The following IL1R1 variants were observed in gnomAD, a reference collection of about 807,000 sequenced individuals.
IL1R1 encodes the protein interleukin 1 receptor type 1, also known as interleukin-1 receptor type 1.
A neutral mutation model predicts 50.2 loss-of-function variants in IL1R1; 22 were observed. The ratio of observed to expected loss-of-function variants is 0.44; its 90% CI spans 0.31 to 0.63. The LOEUF is 0.63. Among genes scored for constraint, IL1R1 ranks in the 20% least tolerant of loss-of-function variants. The probability of loss-of-function intolerance (pLI) is 0.07; values close to 1 mark genes in which losing one functional copy is unlikely to be tolerated. For missense variants in IL1R1, 509 were observed against 676.2 expected, an observed-to-expected ratio of 0.75 and a Z score of 2.74; for synonymous variants, 251 against 236.7, an observed-to-expected ratio of 1.06 and a Z score of -0.55.
chr2:102,138,699 G>A (rs1682478488), upstream of IL1R1, among the ~76,000 whole-genome samples: 1 of 152,134 alleles, frequency 6.6e-6, no homozygotes. Flanking sequence ...TCAGCAGATG[G>A]AAAATGTATG....
At chr2:102,105,799 T>TC (rs1039007828) in intron 1 of IL1R1, among the ~76,000 whole-genome samples, 1 of 152,158 alleles carries the variant, frequency 6.6e-6, no homozygotes, top group Non-Finnish European at 1.5e-5. Context: ...CATATTTTTC[T>TC]CCCCCCTTCA....
chr2:102,116,687 T>C lies in IL1R1; in HGVS notation c.-84+11815T>C, dbSNP rs1681093484. On this transcript the variant is annotated intron_variant, in intron 1 of 10. Coordinates refer to the IL1R1 transcript ENST00000409329. ...GTACTGTGTTAGCAATGTTAGAGGA[T>C]ACAAACAACCATAACAACAAAACAG... Among the ~76,000 whole-genome samples the C allele has an allele frequency of 4.6e-5, 7 of 152,290 alleles. No homozygotes were observed. In the South Asian group the frequency reaches 1.4e-3, roughly 32 times the overall value.
At chr2:102,125,364 T>C (rs1225145204) in intron 1 of IL1R1, among the ~76,000 whole-genome samples, 1 of 152,254 alleles carries the variant, frequency 6.6e-6, no homozygotes, top group Non-Finnish European at 1.5e-5. Flanking sequence ...AGCTTGGATT[T>C]AGACTGGCAC....
intron 1 of IL1R1, among the ~76,000 whole-genome samples, chr2:102,111,944 C>T (rs1176356426): frequency 6.6e-6 from 1 of 152,104 alleles, no homozygotes; most frequent in Non-Finnish European, 1.5e-5. Flanking sequence ...ACTTTTCCTC[C>T]CACCCCTGAA....
At chr2:102,094,640 T>C (rs575845605) in intron 1 of IL1R1, among the ~76,000 whole-genome samples, 2 of 152,352 alleles carry the variant, frequency 1.3e-5, no homozygotes, top group African/African-American at 4.8e-5. Context: ...TTAAGTTGTG[T>C]ATGAAGGCCA....
chr2:102,077,957 A>G (rs1415762626), intron 1 of IL1R1, among the ~76,000 whole-genome samples: 1 of 152,248 alleles, frequency 6.6e-6, no homozygotes, highest in Non-Finnish European at 1.5e-5. Flanking sequence ...ATTAAACAAT[A>G]TACTCTTAAA....
chr2:102,145,153 A>G (rs1411874340), intron 1 of IL1R1, among the ~76,000 whole-genome samples: 1 of 152,206 alleles, frequency 6.6e-6, no homozygotes, highest in Non-Finnish European at 1.5e-5. Context: ...GGTTCTTGCC[A>G]TTTTAAAAGA....
At chr2:102,124,328 G>A (rs960184834) in intron 1 of IL1R1, among the ~76,000 whole-genome samples, 1 of 152,072 alleles carries the variant, frequency 6.6e-6, no homozygotes, top group Admixed American at 6.5e-5. Flanking sequence ...GCTGAGGCAG[G>A]AGAATCGCTT....
chr2:102,127,700 C>A (rs1681800485), intron 1 of IL1R1, among the ~76,000 whole-genome samples: 1 of 145,832 alleles, frequency 6.9e-6, no homozygotes, highest in African/African-American at 2.5e-5. Context: ...TGTGTGTATC[C>A]ATGCAACATC....
chr2:102,172,269 T>C (rs1685754268), intron 8 of IL1R1: 1 of 985,090 alleles, frequency 1.0e-6, no homozygotes, highest in Admixed American at 6.2e-5. Flanking sequence ...AATCCACTGC[T>C]CTCGAAAGCC....
At chr2:102,136,450 C>T (rs997547865) in intron 1 of IL1R1, among the ~76,000 whole-genome samples, 5 of 148,072 alleles carry the variant, frequency 3.4e-5, no homozygotes, top group African/African-American at 7.5e-5. Context: ...GATCTTGGCT[C>T]ATTGCAGCCT....
At chr2:102,082,165 C>T (rs1679239804) in intron 1 of IL1R1, among the ~76,000 whole-genome samples, 1 of 152,104 alleles carries the variant, frequency 6.6e-6, no homozygotes, top group African/African-American at 2.4e-5. Flanking sequence ...TTATAACTAT[C>T]TTTGTCTCTG....
chr2:102,118,114 G>T (rs1344149083), intron 1 of IL1R1, among the ~76,000 whole-genome samples: 1 of 152,092 alleles, frequency 6.6e-6, no homozygotes, highest in African/African-American at 2.4e-5. Flanking sequence ...GAGGAGAATG[G>T]TCACTAGAAA....
At chr2:102,174,021 G>T (rs1685901960) in intron 9 of IL1R1, among the ~76,000 whole-genome samples, 1 of 152,068 alleles carries the variant, frequency 6.6e-6, no homozygotes, top group South Asian at 2.1e-4. Flanking sequence ...CCCTTTTCTG[G>T]ATGCTTTTAC....
chr2:102,118,396 A>G (rs1168035357), intron 1 of IL1R1, among the ~76,000 whole-genome samples: 1 of 152,122 alleles, frequency 6.6e-6, no homozygotes, highest in Non-Finnish European at 1.5e-5. Flanking sequence ...ATTCTTTATT[A>G]CATAGTAAGC....
chr2:102,156,937 G>A (rs1399098645), intron 2 of IL1R1, among the ~76,000 whole-genome samples: 1 of 152,074 alleles, frequency 6.6e-6, no homozygotes, highest in Non-Finnish European at 1.5e-5. Context: ...TTATAGCTAC[G>A]GATAAGAATA....
In IL1R1 at chr2:102,165,523, G is replaced by A. The variant is rs1224322930; in HGVS notation, c.486+219G>A. ...CTGTTGTTTTTATTTAATTTAATAA[G>A]ATGTAATTGAGAAAAGTACTAGAAA... On this transcript the variant is annotated intron_variant, in intron 5 of 11. Transcript: ENST00000410023. Among the ~76,000 whole-genome samples the A allele has an allele frequency of 2.0e-5, 3 of 152,266 alleles. No individual in the cohort carries two copies. The East Asian group carries it at 5.8e-4, about 29-fold the overall frequency.
chr2:102,099,612 T>A (rs576014725), upstream of IL1R1, among the ~76,000 whole-genome samples: 5 of 152,284 alleles, frequency 3.3e-5, no homozygotes, highest in African/African-American at 1.2e-4. Context: ...TTGTTTTCTC[T>A]GCATGCCATG....
chr2:102,108,431 T>A (rs2104357415), intron 1 of IL1R1, among the ~76,000 whole-genome samples: 1 of 152,288 alleles, frequency 6.6e-6, no homozygotes, highest in East Asian at 1.9e-4. Context: ...ATCCATGGGC[T>A]TTGCTCAGCT....
Sources: allele counts gnomAD v4.1 joint callset (sites outside exome capture counted in the v4.1 genomes callset), GRCh38; gene constraint gnomAD v4.1.1; transcripts MANE v1.5; gene names NCBI Gene and HGNC (gene_info 2026-07-23, HGNC 2026-07-21).